The following RNF111 variants were observed in gnomAD, a reference collection of about 807,000 sequenced individuals.
RNF111 encodes ring finger protein 111, also known as E3 ubiquitin-protein ligase Arkadia.
Under a neutral mutation model 95.1 loss-of-function variants are expected in RNF111, and 17 were observed. That is an observed-to-expected ratio of 0.18 (90% confidence interval 0.12 to 0.27). RNF111 has a LOEUF of 0.27. Among genes scored for constraint, RNF111 ranks in the 10% least tolerant of loss-of-function variants. The pLI, the probability that RNF111 is intolerant of heterozygous loss-of-function variation, is 1.00. For missense variants in RNF111, 1,189 were observed against 1,210.4 expected (o/e 0.98, Z 0.26); for synonymous variants, 440 against 414.8 (o/e 1.06, Z -0.74).
At chr15:59,089,091 C>T (rs1274371996) in intron 10 of RNF111, among the ~76,000 whole-genome samples, 1 of 152,086 alleles carries the variant, frequency 6.6e-6, no homozygotes, top group Non-Finnish European at 1.5e-5. Flanking sequence ...CAATTTTTTG[C>T]CACCGGTCAT....
intron 6 of RNF111, among the ~76,000 whole-genome samples, chr15:59,074,196 G>A (rs531172480): frequency 7.2e-5 from 11 of 152,198 alleles, no homozygotes; most frequent in African/African-American, 2.6e-4. Flanking sequence ...AATCTTAAGG[G>A]CCCTGGGAAT....
intron 1 of RNF111, among the ~76,000 whole-genome samples, chr15:59,022,764 A>C (rs2040407118): frequency 2.6e-5 from 4 of 152,242 alleles, no homozygotes; most frequent in Admixed American, 1.3e-4. Flanking sequence ...GAAACTTCTC[A>C]TTATTAATAT....
At chr15:59,059,491 T>G (rs1264814478) in intron 5 of RNF111, among the ~76,000 whole-genome samples, 1 of 152,214 alleles carries the variant, frequency 6.6e-6, no homozygotes, top group Non-Finnish European at 1.5e-5. Context: ...TTGGATGCAC[T>G]AAGTCTACTC....
chr15:59,036,266 C>T (rs533706193), intron 2 of RNF111, among the ~76,000 whole-genome samples: 18 of 152,172 alleles, frequency 1.2e-4, no homozygotes, highest in Middle Eastern at 3.4e-3. Context: ...CCATGGTGGC[C>T]GGGCTGGTCT....
At chr15:59,084,364 A>T (rs1205554649) in intron 9 of RNF111, 110 bp downstream of exon 9, 1 of 1,120,040 alleles carries the variant, frequency 8.9e-7, no homozygotes, top group Non-Finnish European at 1.2e-6. Context: ...GGAGAAACCT[A>T]ATCCCCAGTT....
At chr15:59,063,074 T>A (rs1265755687) in intron 5 of RNF111, among the ~76,000 whole-genome samples, 1 of 152,200 alleles carries the variant, frequency 6.6e-6, no homozygotes, top group East Asian at 1.9e-4. Context: ...CTAAATTGTC[T>A]CCATGCTTGA....
At chr15:59,055,003 T>A (rs1271927325) in intron 3 of RNF111, among the ~76,000 whole-genome samples, 2 of 152,340 alleles carry the variant, frequency 1.3e-5, no homozygotes, top group East Asian at 1.9e-4. Flanking sequence ...CTTCAAAGTA[T>A]ATACACCTGT....
intron 2 of RNF111, among the ~76,000 whole-genome samples, chr15:59,051,042 A>G (rs1378334045): frequency 6.6e-6 from 1 of 152,232 alleles, no homozygotes; most frequent in African/African-American, 2.4e-5. Flanking sequence ...TTCTAGATAC[A>G]GTAATATAAA....
chr15:59,027,710 G>C (rs1432781732), intron 1 of RNF111, among the ~76,000 whole-genome samples: 2 of 150,258 alleles, frequency 1.3e-5, no homozygotes, highest in Non-Finnish European at 3.0e-5. Context: ...TGTATTTTTA[G>C]TAAGACAGGG....
intron 5 of RNF111, among the ~76,000 whole-genome samples, chr15:59,063,919 A>C (rs1183232142): frequency 6.6e-6 from 1 of 152,182 alleles, no homozygotes; most frequent in African/African-American, 2.4e-5. Context: ...AAAGGTTTTC[A>C]ACCTTTTTTT....
At chr15:59,045,124 A>G (rs765476451) in intron 2 of RNF111, among the ~76,000 whole-genome samples, 1 of 151,926 alleles carries the variant, frequency 6.6e-6, no homozygotes, top group Non-Finnish European at 1.5e-5. Flanking sequence ...AATGTTACAT[A>G]AGCCATGTAA....
chr15:59,037,760 T>TG (rs1367829371), intron 2 of RNF111, among the ~76,000 whole-genome samples: 1 of 152,062 alleles, frequency 6.6e-6, no homozygotes, highest in Non-Finnish European at 1.5e-5. Context: ...GGCTTGAACC[T>TG]GGGAAGCAGA....
chr15:59,002,836 T>A (rs1251147226), intron 1 of RNF111, among the ~76,000 whole-genome samples: 1 of 152,190 alleles, frequency 6.6e-6, no homozygotes, highest in African/African-American at 2.4e-5. Context: ...TGTCACATAG[T>A]CTTTCCTATT....
At position 59,031,637 on chromosome 15, in the gene RNF111, A is replaced by G. The variant is rs764281434; in HGVS notation, c.815A>G (p.Glu272Gly). 5.6e-6 allele frequency: 9 copies of G among 1,614,058 alleles called. No individual in the cohort carries two copies. In the Admixed American group the frequency reaches 1.2e-4, roughly 21 times the overall value. Reference sequence around the variant, plus strand: ...GAATCCTCTTCTAGCTCATCAACTGAAGGAGAAGAAGATTTGTTTGTTTCT... The same window carrying G: ...GAATCCTCTTCTAGCTCATCAACTGGAGGAGAAGAAGATTTGTTTGTTTCT... ...SSESSSSSST[E>G]GEEDLFVSAS... The change falls in exon 2 of 14, where the codon GAA becomes GGA. Residue 272 changes from glutamate to glycine, a missense_variant. Physicochemically the swap from Glu to Gly is moderately conservative, Grantham distance 98. Transcript: ENST00000348370.
chr15:59,023,397 C>G (rs2040443210), intron 1 of RNF111, among the ~76,000 whole-genome samples: 1 of 152,096 alleles, frequency 6.6e-6, no homozygotes, highest in Non-Finnish European at 1.5e-5. Context: ...CTTTGTGTCT[C>G]TTGTTAAATT....
At chr15:59,054,828 A>G (rs1214625054) in intron 3 of RNF111, among the ~76,000 whole-genome samples, 1 of 152,158 alleles carries the variant, frequency 6.6e-6, no homozygotes, top group African/African-American at 2.4e-5. Flanking sequence ...AAATGCTGAC[A>G]ATAAGGTTAT....
At chr15:58,993,988 T>A in intron 1 of RNF111, among the ~76,000 whole-genome samples, 1 of 152,020 alleles carries the variant, frequency 6.6e-6, no homozygotes, top group East Asian at 1.9e-4. Context: ...TCGAATAAAT[T>A]ACTTATTTTA....
chr15:58,994,965 T>C (rs1421847875), intron 1 of RNF111, among the ~76,000 whole-genome samples: 1 of 152,248 alleles, frequency 6.6e-6, no homozygotes, highest in Non-Finnish European at 1.5e-5. Flanking sequence ...CGAATTGTCC[T>C]GATAATAGCA....
At chr15:59,074,513 A>G (rs2043081582) in intron 6 of RNF111, among the ~76,000 whole-genome samples, 1 of 152,182 alleles carries the variant, frequency 6.6e-6, no homozygotes, top group African/African-American at 2.4e-5. Context: ...AGTTTCATGA[A>G]CTAACCTCTG....
Sources: allele counts gnomAD v4.1 joint callset (sites outside exome capture counted in the v4.1 genomes callset), GRCh38; gene constraint gnomAD v4.1.1; transcripts MANE v1.5; gene names NCBI Gene and HGNC (gene_info 2026-07-23, HGNC 2026-07-21).